Variants in SETBP1 observed in about 807,000 individuals in gnomAD.
SETBP1 encodes SET binding protein 1, also known as SET-binding protein.
A neutral mutation model predicts 101.0 loss-of-function variants in SETBP1; 9 were observed. The observed-to-expected ratio is 0.09, with a 90% CI of 0.05 to 0.16. The LOEUF (loss-of-function observed/expected upper bound fraction) is 0.16. Among genes scored for constraint, SETBP1 ranks in the 10% least tolerant of loss-of-function variants. The probability of loss-of-function intolerance (pLI) is 1.00; values close to 1 mark genes in which losing one functional copy is unlikely to be tolerated. For missense variants in SETBP1, 1,858 were observed against 2,033.8 expected (o/e 0.91, Z 1.66); for synonymous variants, 818 against 788.5 (o/e 1.04, Z -0.63).
rs373323156 is a variant in SETBP1, at chr18:44,716,421, C to G, written c.486+14589C>G. Among the ~76,000 whole-genome samples the G allele has an allele frequency of 4.6e-5, 7 of 152,304 alleles. No homozygotes were observed. In the South Asian group the frequency reaches 1.2e-3, roughly 27 times the overall value. ...TCCAACCTGCCCCATAAGTCACACC[C>G]GGATCCTACTGCTTGCTAAAGGTGA... On this transcript the variant is annotated intron_variant, in intron 2 of 5. Coordinates refer to ENST00000649279, the MANE Select transcript of SETBP1 (RefSeq NM_015559.3).
chr18:44,726,539 T>C (rs1333254770), intron 2 of SETBP1, among the ~76,000 whole-genome samples: 3 of 152,012 alleles, frequency 2.0e-5, no homozygotes, highest in Non-Finnish European at 2.9e-5. Context: ...ATAAAAGAGG[T>C]AGTGTTTGAA....
intron 2 of SETBP1, among the ~76,000 whole-genome samples, chr18:44,764,964 A>G (rs2070735536): frequency 6.6e-6 from 1 of 152,186 alleles, no homozygotes; most frequent in African/African-American, 2.4e-5. Flanking sequence ...ATGTTCAACA[A>G]ATATTTGTAA....
chr18:44,868,702 G>A (rs1412798546), intron 2 of SETBP1, among the ~76,000 whole-genome samples: 1 of 4,804 alleles, frequency 2.1e-4, no homozygotes, highest in African/African-American at 7.0e-4. Context: ...GAGAGAGGAC[G>A]GAAGGAAGGG....
intron 2 of SETBP1, among the ~76,000 whole-genome samples, chr18:44,868,492 C>T (rs1480368006): frequency 2.6e-5 from 4 of 151,850 alleles, no homozygotes; most frequent in Non-Finnish European, 4.4e-5. Context: ...GTCAGGAGTT[C>T]GAGACCAGTC....
chr18:44,755,480 CTT>C (rs112797626), intron 2 of SETBP1, among the ~76,000 whole-genome samples: 3 of 145,898 alleles, frequency 2.1e-5, no homozygotes, highest in Non-Finnish European at 4.5e-5. Context: ...AGTGGGACAC[CTT>C]TTTTTTTTTT....
chr18:45,058,195 T>C (rs2073839613), intron 5 of SETBP1, among the ~76,000 whole-genome samples: 1 of 152,162 alleles, frequency 6.6e-6, no homozygotes. Flanking sequence ...TATAGGACAA[T>C]TGTAGGAAGG....
chr18:45,063,677 TGAGAGC>T lies in SETBP1; in HGVS notation c.4774_4779del (p.Ser1592_Glu1593del). 6.2e-7 allele frequency: 1 copy of T among 1,607,228 alleles called. No individual in the cohort carries two copies. The highest frequency in any genetic ancestry group is 8.5e-7 in the Non-Finnish European group (1 of 1,177,586). ...AAAGGCAGAGGAAGTCCCGAGGGAG[TGAGAGC>T]GAGGTCCTTCCCTAGGGCGGGTCTG... On this transcript the variant is annotated inframe_deletion, in exon 6 of 6. Coordinates refer to ENST00000649279, the MANE Select transcript of SETBP1 (RefSeq NM_015559.3).
At chr18:44,838,585 T>A (rs192189861) in intron 2 of SETBP1, among the ~76,000 whole-genome samples, 1 of 152,288 alleles carries the variant, frequency 6.6e-6, no homozygotes, top group Non-Finnish European at 1.5e-5. Context: ...ATGACAGGTG[T>A]ACCATTTACA....
At chr18:45,004,509 C>A (rs1467360823) in intron 4 of SETBP1, among the ~76,000 whole-genome samples, 1 of 152,214 alleles carries the variant, frequency 6.6e-6, no homozygotes, top group African/African-American at 2.4e-5. Context: ...AGAGTCTCTT[C>A]TGTTTATCTT....
Position 44,952,388 on chromosome 18 carries a change from G to C in SETBP1, c.3048G>C (p.Lys1016Asn), listed in dbSNP as rs1320127367. ...GTAGGACTTCAGACTTGAAGTCAAA[G>C]AAGAAGCGTGGTAGGCCTGCAAAAA... ...YLRRTSDLKSKKKRGRPAKTN... is the reference protein window; with the variant it reads ...YLRRTSDLKSNKKRGRPAKTN... The change falls in exon 4 of 6, where the codon AAG becomes AAC. Residue 1016 changes from lysine (K) to asparagine (N), a missense_variant. By Grantham distance (94) the Lys-to-Asn change is moderately conservative. This residue lies in a region of SETBP1 where 255 missense variants were observed against 300.1 expected (regional missense o/e 0.85). Transcript: ENST00000649279. 1 of 1,614,164 alleles carries C rather than the reference G, an allele frequency of 6.2e-7. No homozygotes were observed. The highest frequency in any genetic ancestry group is 8.5e-7 in the Non-Finnish European group (1 of 1,180,026).
At chr18:44,869,036 T>G (rs1253314406) in intron 2 of SETBP1, among the ~76,000 whole-genome samples, 194 bp from the exon 3 acceptor site, 3 of 152,136 alleles carry the variant, frequency 2.0e-5, no homozygotes, top group Admixed American at 2.0e-4. Flanking sequence ...AGTGATGAAG[T>G]CAGAGATGGA....
chr18:44,701,064 C>CT (rs1257575809), intron 1 of SETBP1, 111 bp from the exon 2 acceptor site: 15 of 328,276 alleles, frequency 4.6e-5, no homozygotes, highest in Non-Finnish European at 8.3e-5. Flanking sequence ...TCCATCATTT[C>CT]TTTTTTCCGG....
intron 2 of SETBP1, among the ~76,000 whole-genome samples, chr18:44,801,149 G>A (rs2071599361): frequency 6.6e-6 from 1 of 152,142 alleles, no homozygotes; most frequent in Non-Finnish European, 1.5e-5. Flanking sequence ...GAGGAGCGGG[G>A]AGGGATAGCA....
At chr18:44,840,060 G>A (rs191519108) in intron 2 of SETBP1, among the ~76,000 whole-genome samples, 1 of 152,142 alleles carries the variant, frequency 6.6e-6, no homozygotes, top group Non-Finnish European at 1.5e-5. Context: ...CCCAGAAGAG[G>A]CCTGTGCATG....
intron 4 of SETBP1, among the ~76,000 whole-genome samples, chr18:45,015,735 A>G (rs188189037): frequency 3.9e-5 from 6 of 152,370 alleles, no homozygotes; most frequent in African/African-American, 7.2e-5. Context: ...TGAGGGAGGG[A>G]GTCAGTGGCA....
chr18:44,972,483 A>T (rs779153840), intron 4 of SETBP1, among the ~76,000 whole-genome samples: 2 of 152,174 alleles, frequency 1.3e-5, no homozygotes, highest in African/African-American at 2.4e-5. Context: ...GCCATTTTCA[A>T]GATATTGATT....
chr18:44,730,412 G>A (rs936319767), intron 2 of SETBP1, among the ~76,000 whole-genome samples: 2 of 152,220 alleles, frequency 1.3e-5, no homozygotes, highest in Non-Finnish European at 2.9e-5. Flanking sequence ...GGAGGATTCA[G>A]AGAACATGCG....
intron 4 of SETBP1, among the ~76,000 whole-genome samples, chr18:45,033,295 G>A (rs983176830): frequency 4.6e-5 from 7 of 152,144 alleles, no homozygotes; most frequent in African/African-American, 1.7e-4. Flanking sequence ...CAAGAAACAT[G>A]GATTTCAGCT....
At chr18:44,982,963 C>G (rs1476460738) in intron 4 of SETBP1, among the ~76,000 whole-genome samples, 1 of 152,114 alleles carries the variant, frequency 6.6e-6, no homozygotes, top group Non-Finnish European at 1.5e-5. Flanking sequence ...TCATGGGATG[C>G]TTAACTTCAG....
Sources: gnomAD v4.1 joint callset for allele counts (sites outside exome capture counted in the v4.1 genomes callset) on GRCh38, gnomAD v4.1.1 for gene constraint, gnomAD v4.1.1 regional missense constraint, MANE v1.5 for transcripts, NCBI Gene and HGNC (gene_info 2026-07-23, HGNC 2026-07-21) for gene names.